FZD6: variants seen among roughly 807,000 people sequenced by gnomAD.
The protein encoded by FZD6 is frizzled class receptor 6.
FZD6 carries 49 observed loss-of-function variants against 61.4 expected under a neutral mutation model. The observed-to-expected ratio is 0.80, with a 90% CI of 0.63 to 1.01. FZD6 has a LOEUF of 1.01. Among genes scored for constraint, FZD6 ranks in the 50% least tolerant of loss-of-function variants. FZD6 has a pLI of 0.00. For synonymous variants in FZD6, 265 were observed against 292.2 expected, an observed-to-expected ratio of 0.91 and a Z score of 0.95; for missense variants, 724 against 848.2, an observed-to-expected ratio of 0.85 and a Z score of 1.82.
chr8:103,313,760 CTGTGTGTG>C (rs58157848), intron 2 of FZD6, among the ~76,000 whole-genome samples: 2,064 of 142,752 alleles, frequency 0.014, 24 homozygotes, highest in Non-Finnish European at 0.021. Flanking sequence ...CTTGATTTTT[CTGTGTGTG>C]TGTGTGTGTG....
In FZD6 at chr8:103,331,348, C is replaced by T. The variant is rs996103644; in HGVS notation, c.1960C>T (p.Pro654Ser). ...TTTTTTTCTTTTATCTAGGATTAGT[C>T]CAAAGAGTGATATTACTGACACTGG... ...ESARSEGRIS[P>S]KSDITDTGLA... is the part of the protein sequence containing the mutation. Residue 654 changes from proline (P) to serine (S), a missense_variant, in exon 7 of 7, where the codon CCA becomes TCA. Pro to Ser is a moderately conservative substitution (Grantham distance 74). Transcript: ENST00000358755. The T allele has an allele frequency of 1.2e-6, 2 of 1,609,924 alleles. No homozygotes were observed. The highest frequency in any genetic ancestry group is 1.7e-6 in the Non-Finnish European group (2 of 1,176,408).
In FZD6 at chr8:103,324,755, T is replaced by G; in HGVS notation, c.649T>G (p.Phe217Val). The G allele has an allele frequency of 6.2e-7, 1 of 1,613,988 alleles. No individual in the cohort carries two copies. The highest frequency in any genetic ancestry group is 8.5e-7 in the Non-Finnish European group (1 of 1,179,854). Residue 217 changes from phenylalanine (F) to valine (V), a missense_variant, in exon 4 of 7, where the codon TTC becomes GTC. Transcript: ENST00000358755. ...IFCLCATLFT[F>V]LTFLIDVRRF... is the part of the protein sequence containing the mutation. ...TTGTCTTTGTGCAACTCTGTTCACA[T>G]TCCTTACTTTTTTAATTGATGTTAG...
rs79700438 is a variant in FZD6, at chr8:103,326,972, C to T, written c.1393-1296C>T. 7.7e-3 allele frequency among the ~76,000 whole-genome samples: 1,173 copies of T among 152,158 alleles called. 17 individuals carry two copies. Among genetic ancestry groups the T allele is most frequent in the African/African-American group, 0.025 (1,049 of 41,514 alleles). ...TTAAATTATATTTCCATGTATGATA[C>T]GGCAAACATCTTAAAGGTGTTCTAA... On this transcript the variant is annotated intron_variant, in intron 4 of 6. Transcript: ENST00000358755.
At chr8:103,321,414 T>C (rs183984445) in intron 3 of FZD6, among the ~76,000 whole-genome samples, 22 of 152,364 alleles carry the variant, frequency 1.4e-4, no homozygotes, top group Non-Finnish European at 2.1e-4. Context: ...TTTTCATTTC[T>C]ATAAATAAGA....
At position 103,300,296 on chromosome 8, in the gene FZD6, T is replaced by A; in HGVS notation, c.177+12T>A. 6.4e-7 allele frequency: 1 copy of A among 1,555,596 alleles called. No homozygotes were observed. The highest frequency in any genetic ancestry group is 8.9e-7 in the Non-Finnish European group (1 of 1,126,468). ...CGGTGGAAATGGAGGTGAGTAGTGC[T>A]TCATACGTTTATTGAATAGTAGTTT... is the stretch of plus-strand genomic sequence containing the variant. On this transcript the variant is annotated intron_variant, in intron 2 of 6. Transcript: ENST00000358755.
rs774893848 is a variant in FZD6, at chr8:103,331,512, A to T, written c.*3A>T. Reference sequence around the variant, plus strand: ...GTGGTTGTCATTCAGATACTTGAAGAACATTTTCTCTCGTTACTCAGAAGC... The same window carrying T: ...GTGGTTGTCATTCAGATACTTGAAGTACATTTTCTCTCGTTACTCAGAAGC... On this transcript the variant is annotated 3_prime_UTR_variant, in exon 7 of 7. Coordinates refer to ENST00000358755, the MANE Select transcript of FZD6 (RefSeq NM_003506.4). 2 of 1,601,868 alleles carry T rather than the reference A, an allele frequency of 1.2e-6. No homozygotes were observed. The highest frequency in any genetic ancestry group is 4.5e-5 in the East Asian group (2 of 44,790).
At chr8:103,317,025 A>C (rs1814641635) in intron 2 of FZD6, among the ~76,000 whole-genome samples, 2 of 152,260 alleles carry the variant, frequency 1.3e-5, no homozygotes. Flanking sequence ...CCAGATAGTA[A>C]TAAGGATTTA....
chr8:103,305,867 T>C (rs986771988), intron 2 of FZD6, among the ~76,000 whole-genome samples: 1 of 152,256 alleles, frequency 6.6e-6, no homozygotes, highest in Non-Finnish European at 1.5e-5. Context: ...ACAAGGTTCC[T>C]AGTCCATTCC....
chr8:103,331,917 T>A lies in FZD6; in HGVS notation c.*408T>A, dbSNP rs1438447006. 1 of 182,682 alleles carries A rather than the reference T, an allele frequency of 5.5e-6. No homozygotes were observed. Among genetic ancestry groups the A allele is most frequent in the East Asian group, 1.5e-4 (1 of 6,666 alleles). 11.3% of individuals were successfully genotyped at this position (182,682 alleles called of 1,614,324 possible). A position where few individuals can be genotyped will look rare whatever the true frequency, so the allele number is the denominator to read the frequency against. On this transcript the variant is annotated 3_prime_UTR_variant, in exon 7 of 7. Transcript: ENST00000358755. ...GTATCTTTTTATACATATTTGAAAA[T>A]AAGCTTATATGTATTTGAACTTTTT... is the stretch of plus-strand genomic sequence containing the variant.
intron 2 of FZD6, among the ~76,000 whole-genome samples, chr8:103,302,940 A>G (rs1814214624): frequency 6.6e-6 from 1 of 152,230 alleles, no homozygotes; most frequent in Non-Finnish European, 1.5e-5. Context: ...TCTGGGCAAC[A>G]GAGTGAGACT....
chr8:103,307,721 T>G (rs1309807462), intron 2 of FZD6: 5 of 238,474 alleles, frequency 2.1e-5, no homozygotes, highest in Admixed American at 5.3e-5. Flanking sequence ...TAAGGTGTGT[T>G]TTTTTTTTTT....
Position 103,330,015 on chromosome 8 carries a change from C to T in FZD6, c.1902C>T (p.Asp634=), listed in dbSNP as rs768646873. Residue 634 remains aspartate, a synonymous_variant, in exon 6 of 7, where the codon GAC becomes GAT. Coordinates refer to ENST00000358755, the MANE Select transcript of FZD6 (RefSeq NM_003506.4). ...SISRLSGEQV[D]GKGQAGSVSE... The stretch of plus-strand genomic sequence containing the variant: ...CCAGACTCTCTGGGGAACAGGTCGA[C>T]GGGAAGGGCCAGGCAGGCAGTGTAT... The T allele has an allele frequency of 2.3e-5, 37 of 1,613,890 alleles. No individual in the cohort carries two copies. Among genetic ancestry groups the T allele is most frequent in the Middle Eastern group, 1.6e-4 (1 of 6,084 alleles).
At chr8:103,310,012 G>A (rs1052713130) in intron 2 of FZD6, among the ~76,000 whole-genome samples, 1 of 152,036 alleles carries the variant, frequency 6.6e-6, no homozygotes, top group African/African-American at 2.4e-5. Flanking sequence ...GGTGGGATGG[G>A]GCAGGGGGCT....
chr8:103,329,013 T>TTTTATATATATATATATA (rs143400765), intron 5 of FZD6, among the ~76,000 whole-genome samples: 75 of 115,176 alleles, frequency 6.5e-4, no homozygotes, highest in African/African-American at 2.1e-3. Flanking sequence ...CATTTTAGTT[T>TTTTATATATATATATATA]TATATATATA....
chr8:103,308,391 A>G (rs1586506551), intron 2 of FZD6, among the ~76,000 whole-genome samples: 1 of 152,118 alleles, frequency 6.6e-6, no homozygotes, highest in African/African-American at 2.4e-5. Flanking sequence ...GCAAGTCCCT[A>G]TCTTGTTGTA....
At position 103,331,671 on chromosome 8, in the gene FZD6, T is replaced by A; in HGVS notation, c.*162T>A. 1 of 648,816 alleles carries A rather than the reference T, an allele frequency of 1.5e-6. No individual in the cohort carries two copies. The highest frequency in any genetic ancestry group is 2.2e-5 in the Admixed American group (1 of 44,992). 40.2% of individuals were successfully genotyped at this position (648,816 alleles called of 1,614,324 possible). ...AGAGTTCAAGAATAATATGACTCAT[T>A]TCACACAAAGGTTAATGACAACAAT... On this transcript the variant is annotated 3_prime_UTR_variant, in exon 7 of 7. Transcript: ENST00000358755.
intron 2 of FZD6, among the ~76,000 whole-genome samples, chr8:103,309,736 C>A (rs1026651226): frequency 3.3e-5 from 5 of 152,116 alleles, no homozygotes; most frequent in African/African-American, 1.2e-4. Flanking sequence ...GTCAGAAGCC[C>A]ATTTATCATC....
chr8:103,322,522 AT>A (rs1219297979), intron 3 of FZD6, among the ~76,000 whole-genome samples: 1 of 152,224 alleles, frequency 6.6e-6, no homozygotes, highest in African/African-American at 2.4e-5. Flanking sequence ...AGAAAGTAAG[AT>A]TTTAAGCACA....
Position 103,329,901 on chromosome 8 carries a change from A to T in FZD6, c.1788A>T (p.Ser596=), listed in dbSNP as rs1258752273. 2 of 1,614,016 alleles carry T rather than the reference A, an allele frequency of 1.2e-6. No homozygotes were observed. The highest frequency in any genetic ancestry group is 1.3e-5 in the African/African-American group (1 of 74,914). Residue 596 remains serine (S), a synonymous_variant, in exon 6 of 7, where the codon TCA becomes TCT. Coordinates refer to ENST00000358755, the MANE Select transcript of FZD6 (RefSeq NM_003506.4). ...LTEIQTSPET[S]MREVKADGAS... is the part of the protein sequence containing the mutation. ...AAATCCAAACCTCACCAGAAACATCAATGAGAGAGGTGAAAGCGGACGGAG... is the reference window on the plus strand; with the variant it reads ...AAATCCAAACCTCACCAGAAACATCTATGAGAGAGGTGAAAGCGGACGGAG...
Sources: gnomAD v4.1 joint callset for allele counts (sites outside exome capture counted in the v4.1 genomes callset) on GRCh38, gnomAD v4.1.1 for gene constraint, MANE v1.5 for transcripts, NCBI Gene and HGNC (gene_info 2026-07-23, HGNC 2026-07-21) for gene names.